FHIT: variants seen among roughly 807,000 people sequenced by gnomAD.
FHIT encodes fragile histidine triad diadenosine triphosphatase.
FHIT carries 19 observed loss-of-function variants against 17.9 expected under a neutral mutation model. The observed-to-expected ratio is 1.06, with a 90% CI of 0.74 to 1.56. The LOEUF (loss-of-function observed/expected upper bound fraction) is 1.56, where lower values mean the gene tolerates loss of function less well. Ranked by LOEUF, FHIT falls within the 40% of genes most tolerant of loss-of-function variation. The pLI is 0.00. For synonymous variants in FHIT, 81 were observed against 69.7 expected (o/e 1.16, Z -0.81); for missense variants, 248 against 189.2 (o/e 1.31, Z -1.82).
In FHIT at chr3:60,499,730, G is replaced by A. The variant is rs553533898; in HGVS notation, c.103+37130C>T. Reference sequence around the variant, plus strand: ...AGCATGCAAACTTGTTTCTGCCCCTGAGCCTTTGTTCTTGTTTCCTTCTAC... The same window carrying A: ...AGCATGCAAACTTGTTTCTGCCCCTAAGCCTTTGTTCTTGTTTCCTTCTAC... On this transcript the variant is annotated intron_variant, in intron 5 of 9. Coordinates refer to ENST00000492590, the MANE Select transcript of FHIT (RefSeq NM_002012.4). Among the ~76,000 whole-genome samples, 6 of 152,158 alleles carry A rather than the reference G, an allele frequency of 3.9e-5. No homozygotes were observed. In the South Asian group the frequency reaches 1.2e-3, roughly 32 times the overall value.
intron 5 of FHIT, among the ~76,000 whole-genome samples, chr3:60,132,219 T>A (rs1176602411): frequency 6.6e-6 from 1 of 152,176 alleles, no homozygotes; most frequent in Non-Finnish European, 1.5e-5. Context: ...TGATTGATCA[T>A]TGTGTTATCC....
chr3:60,955,625 T>TATAC (rs1559862457), intron 3 of FHIT, among the ~76,000 whole-genome samples: 8 of 49,508 alleles, frequency 1.6e-4, no homozygotes, highest in African/African-American at 2.9e-4. Flanking sequence ...TATATATATA[T>TATAC]ATATATATAC....
At chr3:60,168,543 G>C (rs1340811993) in intron 5 of FHIT, among the ~76,000 whole-genome samples, 1 of 152,174 alleles carries the variant, frequency 6.6e-6, no homozygotes, top group East Asian at 1.9e-4. Flanking sequence ...GCCTGCCAGA[G>C]GCTCTGCCAG....
At chr3:61,154,348 G>A (rs757506873) in intron 2 of FHIT, among the ~76,000 whole-genome samples, 16 of 152,140 alleles carry the variant, frequency 1.1e-4, no homozygotes, top group Non-Finnish European at 2.9e-5. Flanking sequence ...ATCCCTGGAT[G>A]ACAGAAAACA....
At chr3:61,209,215 G>A (rs541479635) in intron 1 of FHIT, among the ~76,000 whole-genome samples, 1 of 152,228 alleles carries the variant, frequency 6.6e-6, no homozygotes, top group South Asian at 2.1e-4. Context: ...TCCCTTTGTG[G>A]GTAACCCGAC....
intron 4 of FHIT, among the ~76,000 whole-genome samples, chr3:60,622,198 C>T (rs1363517622): frequency 3.3e-5 from 5 of 152,148 alleles, no homozygotes; most frequent in African/African-American, 1.2e-4. Context: ...AGGTAACAAG[C>T]ACCCAAGTGG....
At chr3:60,531,527 C>G (rs1481622430) in intron 5 of FHIT, among the ~76,000 whole-genome samples, 9 of 152,104 alleles carry the variant, frequency 5.9e-5, no homozygotes, top group Non-Finnish European at 8.8e-5. Flanking sequence ...ATCCGCCCGC[C>G]TCGGCCTCCC....
At position 60,175,713 on chromosome 3, in the gene FHIT, C is replaced by T. The variant is rs534681393; in HGVS notation, c.104-161561G>A. On this transcript the variant is annotated intron_variant, in intron 5 of 9. Coordinates refer to ENST00000492590, the MANE Select transcript of FHIT (RefSeq NM_002012.4). ...TTTTTCAGAAGGGCAACAAGAACACCTCTACCTCCTCTAAAAATTAGGATA... is the reference window on the plus strand; with the variant it reads ...TTTTTCAGAAGGGCAACAAGAACACTTCTACCTCCTCTAAAAATTAGGATA... Among the ~76,000 whole-genome samples, 11 of 152,220 alleles carry T rather than the reference C, an allele frequency of 7.2e-5. No individual in the cohort carries two copies. In the South Asian group the frequency reaches 1.9e-3, roughly 26 times the overall value.
chr3:60,979,613 C>T (rs867077032), intron 3 of FHIT, among the ~76,000 whole-genome samples: 2 of 152,158 alleles, frequency 1.3e-5, no homozygotes, highest in South Asian at 2.1e-4. Flanking sequence ...CCTGACCCTT[C>T]TGGGCCCGTC....
chr3:60,935,654 A>C (rs991504849), intron 3 of FHIT, among the ~76,000 whole-genome samples: 26 of 152,350 alleles, frequency 1.7e-4, no homozygotes, highest in African/African-American at 5.8e-4. Flanking sequence ...TAACTTCTCA[A>C]GTCTCTTCTG....
intron 5 of FHIT, among the ~76,000 whole-genome samples, chr3:60,086,746 A>C (rs1703510623): frequency 6.6e-6 from 1 of 152,194 alleles, no homozygotes; most frequent in South Asian, 2.1e-4. Flanking sequence ...GTGGGCTCCT[A>C]ATGCCTCAGG....
At chr3:59,954,388 G>A (rs1292508860) in intron 7 of FHIT, among the ~76,000 whole-genome samples, 1 of 152,114 alleles carries the variant, frequency 6.6e-6, no homozygotes, top group Admixed American at 6.5e-5. Flanking sequence ...AAAGCTCTGT[G>A]CTAGTGCTTC....
chr3:60,713,463 C>T (rs1230683493), intron 4 of FHIT, among the ~76,000 whole-genome samples: 1 of 148,910 alleles, frequency 6.7e-6, no homozygotes, highest in Non-Finnish European at 1.5e-5. Flanking sequence ...CACAAAAAAC[C>T]CTTCAAAAAA....
chr3:59,822,837 G>A (rs1267849182), intron 8 of FHIT, among the ~76,000 whole-genome samples: 1 of 152,076 alleles, frequency 6.6e-6, no homozygotes, highest in Non-Finnish European at 1.5e-5. Context: ...TGTTTTTGTT[G>A]CATTTGCTTT....
At chr3:60,968,340 A>C (rs1709846711) in intron 3 of FHIT, among the ~76,000 whole-genome samples, 1 of 152,212 alleles carries the variant, frequency 6.6e-6, no homozygotes, top group African/African-American at 2.4e-5. Context: ...ATGAATAAAA[A>C]TGGAAATAAT....
intron 8 of FHIT, among the ~76,000 whole-genome samples, chr3:59,896,278 T>C (rs1187879407): frequency 1.3e-5 from 2 of 152,132 alleles, no homozygotes; most frequent in African/African-American, 4.8e-5. Context: ...AATAGATAAC[T>C]GAGGAATAAA....
intron 5 of FHIT, among the ~76,000 whole-genome samples, chr3:60,165,204 A>C (rs369159515): frequency 1.3e-5 from 2 of 151,938 alleles, no homozygotes; most frequent in South Asian, 2.1e-4. Flanking sequence ...TGCTGATGCT[A>C]CTCCCTGGCT....
intron 5 of FHIT, among the ~76,000 whole-genome samples, chr3:60,103,458 G>C (rs116813761): frequency 0.011 from 1,609 of 152,246 alleles, 20 homozygotes; most frequent in African/African-American, 0.037. Flanking sequence ...CAAACACCAC[G>C]ATAAATTTGT....
intron 2 of FHIT, among the ~76,000 whole-genome samples, chr3:61,137,770 C>T (rs2036958903): frequency 6.6e-6 from 1 of 152,200 alleles, no homozygotes; most frequent in Non-Finnish European, 1.5e-5. Context: ...ACACTGAGGT[C>T]TGGATCCTGG....
Sources: gnomAD v4.1 joint callset for allele counts (sites outside exome capture counted in the v4.1 genomes callset) on GRCh38, gnomAD v4.1.1 for gene constraint, MANE v1.5 for transcripts, NCBI Gene and HGNC (gene_info 2026-07-23, HGNC 2026-07-21) for gene names.